Variants in RAB3IP observed in about 807,000 individuals in gnomAD.
RAB3IP encodes the protein RAB3A interacting protein, also known as rab-3A-interacting protein.
RAB3IP carries 36 observed loss-of-function variants against 59.1 expected under a neutral mutation model. The ratio of observed to expected loss-of-function variants is 0.61; its 90% confidence interval spans 0.47 to 0.80. The LOEUF (loss-of-function observed/expected upper bound fraction) is 0.80. RAB3IP is among the 30% of genes least tolerant of loss of function. RAB3IP has a pLI of 0.00. For missense variants in RAB3IP, 511 were observed against 536.0 expected (o/e 0.95, Z 0.46); for synonymous variants, 207 against 191.2 (o/e 1.08, Z -0.68).
rs1872599802 is a variant in RAB3IP at position 69,768,537 on chromosome 12, G to C, written c.510+11874G>C. On this transcript the variant is annotated intron_variant, in intron 3 of 10. Transcript: ENST00000247833. ...TCAGGCTGCTGGGCCAGGCAGGTGG[G>C]TGCTCTGAATGCCTGGATTTCTCCC... Among the ~76,000 whole-genome samples, 2 of 152,182 alleles carry C rather than the reference G, an allele frequency of 1.3e-5. 1 individual carries two copies. Among genetic ancestry groups the C allele is most frequent in the South Asian group, 4.1e-4 (2 of 4,826 alleles).
intron 7 of RAB3IP, among the ~76,000 whole-genome samples, chr12:69,801,321 G>T (rs991517606): frequency 6.6e-6 from 1 of 152,142 alleles, no homozygotes; most frequent in African/African-American, 2.4e-5. Flanking sequence ...CATTAACTGT[G>T]GATATTAATC....
At chr12:69,775,065 G>T (rs1873683339) in intron 3 of RAB3IP, among the ~76,000 whole-genome samples, 1 of 50,458 alleles carries the variant, frequency 2.0e-5, no homozygotes, top group Non-Finnish European at 4.3e-5. Context: ...TCTTCCATTT[G>T]TTTGTGTTCT....
intron 8 of RAB3IP, among the ~76,000 whole-genome samples, chr12:69,805,414 T>C (rs967087057): frequency 6.6e-6 from 1 of 152,182 alleles, no homozygotes; most frequent in African/African-American, 2.4e-5. Flanking sequence ...GATGGGGTTT[T>C]CTATGTGTAC....
At chr12:69,751,260 T>G (rs1869234936) in intron 1 of RAB3IP, among the ~76,000 whole-genome samples, 1 of 152,104 alleles carries the variant, frequency 6.6e-6, no homozygotes, top group South Asian at 2.1e-4. Flanking sequence ...TTAGTGGGAG[T>G]CCGTTTGATA....
rs4761168 is a variant in RAB3IP, at chr12:69,783,878, A to G, written c.511-842A>G. On this transcript the variant is annotated intron_variant, in intron 3 of 10. Coordinates refer to ENST00000247833, the MANE Select transcript of RAB3IP (RefSeq NM_022456.5). ...TGGAGATTCTCTTTTACTTAGTTTC[A>G]TTGAGATCTTCTCATATCCCTGTTG... Among the ~76,000 whole-genome samples the G allele has an allele frequency of 4.3e-4, 66 of 152,224 alleles. No individual in the cohort carries two copies. The South Asian group carries it at 0.013, about 31-fold the overall frequency.
chr12:69,781,217 CT>C (rs1874647253), intron 3 of RAB3IP, among the ~76,000 whole-genome samples: 1 of 152,070 alleles, frequency 6.6e-6, no homozygotes, highest in South Asian at 2.1e-4. Flanking sequence ...AAAATTGACA[CT>C]TTTAGAGCAG....
intron 2 of RAB3IP, among the ~76,000 whole-genome samples, 198 bp downstream of exon 2, chr12:69,755,857 G>T (rs547977159): frequency 6.6e-6 from 1 of 152,280 alleles, no homozygotes; most frequent in East Asian, 1.9e-4. Flanking sequence ...AATATTTTAG[G>T]CTTTGCAAGC....
At chr12:69,812,160 C>T (rs1415634426) in intron 8 of RAB3IP, 3 of 152,294 alleles carry the variant, frequency 2.0e-5, no homozygotes, top group Admixed American at 6.5e-5. Flanking sequence ...ATAGCCTAAT[C>T]CCAGCCAGAA....
chr12:69,806,570 G>GTTTTTTTTTTTTTTGTT (rs1879314371), intron 8 of RAB3IP, among the ~76,000 whole-genome samples: 1 of 68,488 alleles, frequency 1.5e-5, no homozygotes, highest in Non-Finnish European at 2.7e-5. Context: ...TGCTTCTCTA[G>GTTTTTTTTTTTTTTGTT]TTTTTTTTTT....
intron 3 of RAB3IP, among the ~76,000 whole-genome samples, chr12:69,768,439 G>A (rs1045590846): frequency 2.0e-5 from 3 of 152,180 alleles, no homozygotes; most frequent in African/African-American, 7.2e-5. Context: ...CCAAATGCTT[G>A]GAGATCTTCC....
At chr12:69,742,141 T>TAGTGG (rs1887408191) in intron 1 of RAB3IP, among the ~76,000 whole-genome samples, 1 of 152,102 alleles carries the variant, frequency 6.6e-6, no homozygotes, top group South Asian at 2.1e-4. Context: ...GATAGTTGAG[T>TAGTGG]AGTGGAGAGG....
intron 10 of RAB3IP, among the ~76,000 whole-genome samples, chr12:69,813,523 C>T (rs565850288): frequency 2.6e-5 from 4 of 152,096 alleles, no homozygotes; most frequent in South Asian, 4.2e-4. Context: ...ATAAAGATTG[C>T]CATATTCTAA....
intron 10 of RAB3IP, among the ~76,000 whole-genome samples, chr12:69,814,168 A>G (rs1234673834): frequency 1.3e-5 from 2 of 152,192 alleles, no homozygotes; most frequent in Non-Finnish European, 2.9e-5. Flanking sequence ...CAGAAAATTT[A>G]TGTTAAGTAT....
intron 8 of RAB3IP, among the ~76,000 whole-genome samples, chr12:69,809,341 T>G (rs1045588289): frequency 4.6e-5 from 7 of 152,204 alleles, no homozygotes; most frequent in Non-Finnish European, 1.0e-4. Flanking sequence ...CATTTTTTCC[T>G]TTATTTCAAC....
At position 69,795,227 on chromosome 12, in the gene RAB3IP, A is replaced by G. The variant is rs1418701012; in HGVS notation, c.771A>G (p.Pro257=). ...SPTSPTQEPL[P]GGKTPFKKGH... ...CATCACCTACGCAGGAGCCTTTGCCAGGTGGAAAGACACCTTTTAAAAAGG... is the reference window on the plus strand; with the variant it reads ...CATCACCTACGCAGGAGCCTTTGCCGGGTGGAAAGACACCTTTTAAAAAGG... The change falls in exon 6 of 11, where the codon CCA becomes CCG. Residue 257 remains proline (P), a synonymous_variant. Coordinates refer to ENST00000247833, the MANE Select transcript of RAB3IP (RefSeq NM_022456.5). 4 of 1,614,098 alleles carry G rather than the reference A, an allele frequency of 2.5e-6. No homozygotes were observed. Among genetic ancestry groups the G allele is most frequent in the Middle Eastern group, 1.7e-4 (1 of 6,060 alleles).
At chr12:69,814,137 A>G (rs1245918958) in intron 10 of RAB3IP, among the ~76,000 whole-genome samples, 1 of 152,222 alleles carries the variant, frequency 6.6e-6, no homozygotes, top group Non-Finnish European at 1.5e-5. Flanking sequence ...GTTGATGGAT[A>G]ATATAATTTA....
intron 1 of RAB3IP, chr12:69,739,589 G>A (rs1887065264): frequency 8.7e-6 from 5 of 575,740 alleles, no homozygotes; most frequent in Non-Finnish European, 1.6e-5. Context: ...CTGAGGCGTA[G>A]AGGTCACCCT....
chr12:69,785,993 G>A (rs1875578342), intron 4 of RAB3IP, among the ~76,000 whole-genome samples: 1 of 152,088 alleles, frequency 6.6e-6, no homozygotes, highest in African/African-American at 2.4e-5. Flanking sequence ...TTACTGGAAT[G>A]GCTAATGCCA....
At chr12:69,803,219 G>A (rs1410506328) in intron 8 of RAB3IP, among the ~76,000 whole-genome samples, 1 of 152,124 alleles carries the variant, frequency 6.6e-6, no homozygotes, top group Non-Finnish European at 1.5e-5. Flanking sequence ...TAGATTTAGA[G>A]AACAGTTTAC....
Sources: gnomAD v4.1 joint callset for allele counts (sites outside exome capture counted in the v4.1 genomes callset) on GRCh38, gnomAD v4.1.1 for gene constraint, MANE v1.5 for transcripts, NCBI Gene and HGNC (gene_info 2026-07-23, HGNC 2026-07-21) for gene names.